Variants in LGSN observed in about 807,000 individuals in gnomAD.
LGSN encodes the protein lengsin, lens protein with glutamine synthetase domain.
In LGSN, 21 loss-of-function variants were observed where a neutral mutation model predicts 19.5. The observed-to-expected ratio is 1.07, with a 90% CI of 0.76 to 1.55. The LOEUF is 1.55. LGSN is among the 40% of genes most tolerant of loss of function. The probability of loss-of-function intolerance (pLI) is 0.00; values close to 1 mark genes in which losing one functional copy is unlikely to be tolerated. For synonymous variants in LGSN, 257 were observed against 215.6 expected (o/e 1.19, Z -1.68); for missense variants, 673 against 608.5 (o/e 1.11, Z -1.12).
chr6:63,329,792 G>A, the LGSN span, among the ~76,000 whole-genome samples: 1 of 152,186 alleles, frequency 6.6e-6, no homozygotes, highest in African/African-American at 2.4e-5. Flanking sequence ...TAATAAGGGT[G>A]TGGGACTTTC....
chr6:63,524,953 A>G, the LGSN span, among the ~76,000 whole-genome samples: 2 of 152,232 alleles, frequency 1.3e-5, no homozygotes, highest in Non-Finnish European at 2.9e-5. Flanking sequence ...AAAACTTAAG[A>G]AAGTAAAATT....
At chr6:63,424,616 A>T in the LGSN span, among the ~76,000 whole-genome samples, 1 of 152,194 alleles carries the variant, frequency 6.6e-6, no homozygotes, top group Admixed American at 6.5e-5. Context: ...GAATATAAAA[A>T]GAGCTCTCAA....
At chr6:63,529,421 T>C in the LGSN span, among the ~76,000 whole-genome samples, 1 of 152,024 alleles carries the variant, frequency 6.6e-6, no homozygotes, top group Non-Finnish European at 1.5e-5. Flanking sequence ...TCTCAAACTT[T>C]TAGGCAAAAT....
chr6:63,295,900 C>G (rs1767963660), intron 1 of LGSN, among the ~76,000 whole-genome samples: 1 of 151,954 alleles, frequency 6.6e-6, no homozygotes, highest in African/African-American at 2.4e-5. Context: ...TTTTACAAAC[C>G]CCTCATAGTG....
At chr6:63,291,180 T>C (rs1368064987) in intron 2 of LGSN, among the ~76,000 whole-genome samples, 1 of 152,210 alleles carries the variant, frequency 6.6e-6, no homozygotes, top group Non-Finnish European at 1.5e-5. Flanking sequence ...TGAGCGCTTT[T>C]GGGTTGCGGC....
chr6:63,338,283 T>C, the LGSN span, among the ~76,000 whole-genome samples: 2 of 152,162 alleles, frequency 1.3e-5, no homozygotes, highest in African/African-American at 4.8e-5. Flanking sequence ...CACTCTAACA[T>C]CACCACGATT....
At chr6:63,333,242 C>T in the LGSN span, among the ~76,000 whole-genome samples, 2 of 151,796 alleles carry the variant, frequency 1.3e-5, no homozygotes, top group Non-Finnish European at 2.9e-5. Flanking sequence ...CTGATTGGTG[C>T]GTTTACAATA....
the LGSN span, among the ~76,000 whole-genome samples, chr6:63,493,928 C>T: frequency 6.7e-6 from 1 of 150,202 alleles, no homozygotes; most frequent in Admixed American, 6.7e-5. Context: ...GCCCTTGGAA[C>T]AGAAAGAAAG....
the LGSN span, among the ~76,000 whole-genome samples, chr6:63,349,127 T>C: frequency 4.6e-5 from 7 of 151,776 alleles, no homozygotes; most frequent in African/African-American, 1.7e-4. Context: ...GAAACAGGAG[T>C]CCTTTAGACC....
chr6:63,336,854 C>T, the LGSN span, among the ~76,000 whole-genome samples: 6 of 151,912 alleles, frequency 3.9e-5, no homozygotes, highest in Admixed American at 2.0e-4. Context: ...ACCGCCTCAG[C>T]CTCCCAAAGT....
chr6:63,454,793 CTTTTTTTTT>C, the LGSN span, among the ~76,000 whole-genome samples: 2 of 91,742 alleles, frequency 2.2e-5, no homozygotes, highest in Admixed American at 3.0e-4. Context: ...TTTTCTTTTT[CTTTTTTTTT>C]TTTTTTTTTT....
At chr6:63,331,872 C>T in the LGSN span, among the ~76,000 whole-genome samples, 236 of 152,134 alleles carry the variant, frequency 1.6e-3, no homozygotes, top group African/African-American at 4.7e-3. Flanking sequence ...CCCATACCGA[C>T]GCATTCTTGA....
At chr6:63,399,100 C>T in the LGSN span, among the ~76,000 whole-genome samples, 1 of 152,146 alleles carries the variant, frequency 6.6e-6, no homozygotes, top group East Asian at 1.9e-4. Context: ...AGTTATCGCA[C>T]GTGGCCTCAT....
the LGSN span, among the ~76,000 whole-genome samples, chr6:63,482,709 C>CT: frequency 3.3e-5 from 5 of 152,032 alleles, no homozygotes; most frequent in African/African-American, 4.8e-5. Context: ...TCTATTCTTT[C>CT]TTTTTTTTGG....
chr6:63,354,409 A>T, the LGSN span, among the ~76,000 whole-genome samples: 1 of 152,226 alleles, frequency 6.6e-6, no homozygotes, highest in Non-Finnish European at 1.5e-5. Flanking sequence ...GTCACTAATC[A>T]TCAGGGAAAT....
At chr6:63,402,575 A>T in the LGSN span, among the ~76,000 whole-genome samples, 2 of 152,214 alleles carry the variant, frequency 1.3e-5, no homozygotes, top group Non-Finnish European at 1.5e-5. Context: ...ACTTTGGAGT[A>T]GATCCTGCCT....
At chr6:63,488,170 T>C in the LGSN span, among the ~76,000 whole-genome samples, 1 of 152,096 alleles carries the variant, frequency 6.6e-6, no homozygotes, top group Non-Finnish European at 1.5e-5. Flanking sequence ...GAGACTAATT[T>C]CTCCTTAGGG....
chr6:63,431,757 GT>G, the LGSN span, among the ~76,000 whole-genome samples: 18 of 152,108 alleles, frequency 1.2e-4, no homozygotes, highest in Admixed American at 1.2e-3. Flanking sequence ...ACTTTCAGAA[GT>G]TTTGAATTTC....
At chr6:63,479,101 CT>C in the LGSN span, among the ~76,000 whole-genome samples, 2 of 152,178 alleles carry the variant, frequency 1.3e-5, no homozygotes, top group Admixed American at 6.5e-5. Context: ...CAGAGAAATG[CT>C]AACTTAACTG....
Sources: allele counts gnomAD v4.1 joint callset (sites outside exome capture counted in the v4.1 genomes callset), GRCh38; gene constraint gnomAD v4.1.1; transcripts MANE v1.5; gene names NCBI Gene and HGNC (gene_info 2026-07-23, HGNC 2026-07-21).